The following CSMD1 variants were observed in gnomAD, a reference collection of about 807,000 sequenced individuals.
CSMD1 encodes the protein CUB and Sushi multiple domains 1.
In CSMD1, 213 loss-of-function variants were observed where a neutral mutation model predicts 417.5. The ratio of observed to expected loss-of-function variants is 0.51; its 90% CI spans 0.46 to 0.57. The LOEUF is 0.57. CSMD1 is among the 20% of genes least tolerant of loss of function. The pLI is 0.00. For missense variants in CSMD1, 6,923 were observed against 4,529.7 expected, an observed-to-expected ratio of 1.53 and a Z score of -15.17; for synonymous variants, 2,862 against 1,736.8, an observed-to-expected ratio of 1.65 and a Z score of -16.11.
chr8:4,986,121 A>C (rs1314959501), intron 1 of CSMD1, among the ~76,000 whole-genome samples: 1 of 152,230 alleles, frequency 6.6e-6, no homozygotes, highest in African/African-American at 2.4e-5. Flanking sequence ...TTGTTGATGG[A>C]CTTTGAACAT....
intron 3 of CSMD1, among the ~76,000 whole-genome samples, chr8:4,287,821 T>G (rs1228178119): frequency 6.6e-6 from 1 of 152,042 alleles, no homozygotes; most frequent in Admixed American, 6.6e-5. Context: ...TGTGGCCCAC[T>G]GAATGCATTT....
chr8:4,932,248 T>G (rs1220715510), intron 1 of CSMD1, among the ~76,000 whole-genome samples: 1 of 52,748 alleles, frequency 1.9e-5, no homozygotes, highest in African/African-American at 8.4e-5. Context: ...AAATATAACT[T>G]CTCTGGTTTT....
intron 1 of CSMD1, among the ~76,000 whole-genome samples, chr8:4,828,903 C>T (rs1425238879): frequency 2.6e-5 from 4 of 152,094 alleles, no homozygotes; most frequent in African/African-American, 9.7e-5. Context: ...CGTCCCAGTA[C>T]TTAATGTGTT....
chr8:4,269,722 C>T (rs764528254), intron 3 of CSMD1, among the ~76,000 whole-genome samples: 4 of 152,082 alleles, frequency 2.6e-5, no homozygotes, highest in Admixed American at 6.6e-5. Context: ...CTGTTGAATT[C>T]TTAATATTTA....
intron 2 of CSMD1, among the ~76,000 whole-genome samples, chr8:4,519,027 A>G (rs1366222129): frequency 6.6e-6 from 1 of 151,576 alleles, no homozygotes; most frequent in African/African-American, 2.4e-5. Context: ...TTACCCAAAC[A>G]CTCCTTATGG....
chr8:3,652,974 A>C (rs1439269751), intron 7 of CSMD1, among the ~76,000 whole-genome samples: 1 of 152,186 alleles, frequency 6.6e-6, no homozygotes, highest in Non-Finnish European at 1.5e-5. Context: ...GCTTTCAAGT[A>C]TAATTAGCAT....
chr8:3,982,959 A>G (rs2130199234), intron 5 of CSMD1, among the ~76,000 whole-genome samples: 1 of 152,216 alleles, frequency 6.6e-6, no homozygotes, highest in South Asian at 2.1e-4. Context: ...AACAAAACAA[A>G]CAAACAAACA....
chr8:3,871,088 C>T (rs939828640), intron 5 of CSMD1, among the ~76,000 whole-genome samples: 2 of 151,936 alleles, frequency 1.3e-5, no homozygotes, highest in Admixed American at 1.3e-4. Flanking sequence ...CCTTATTTAA[C>T]AATTGTCCTA....
rs117063541 is a variant in CSMD1 at position 3,621,945 on chromosome 8, A to G, written c.1010-5148T>C. Among the ~76,000 whole-genome samples, 50 of 150,582 alleles carry G rather than the reference A, an allele frequency of 3.3e-4. 1 individual carries two copies. In the East Asian group the frequency reaches 6.5e-3, roughly 20 times the overall value. ...ATAATGGTTAAAACCAGCAAGCCTG[A>G]TGTTACTTCTGTCTTATGTCTCTCT... On this transcript the variant is annotated intron_variant, in intron 7 of 69. Transcript: ENST00000635120.
chr8:3,450,352 T>G (rs549651338), intron 12 of CSMD1, among the ~76,000 whole-genome samples: 18 of 152,098 alleles, frequency 1.2e-4, no homozygotes, highest in African/African-American at 4.1e-4. Flanking sequence ...GGGTACATGT[T>G]CACAACGTGC....
chr8:3,241,153 A>G (rs1467849491), intron 26 of CSMD1, among the ~76,000 whole-genome samples: 1 of 151,772 alleles, frequency 6.6e-6, no homozygotes, highest in African/African-American at 2.4e-5. Context: ...AGGAATAGTT[A>G]GGGAAGCAGA....
intron 27 of CSMD1, among the ~76,000 whole-genome samples, chr8:3,229,282 G>GTTAAATAC: frequency 6.6e-6 from 1 of 152,244 alleles, no homozygotes; most frequent in South Asian, 2.1e-4. Context: ...TAATTAAACT[G>GTTAAATAC]TGACAGTTAC....
At chr8:4,486,696 T>G (rs1801433709) in intron 2 of CSMD1, among the ~76,000 whole-genome samples, 1 of 151,778 alleles carries the variant, frequency 6.6e-6, no homozygotes, top group Admixed American at 6.6e-5. Flanking sequence ...TAAGCAAAAG[T>G]GAAATACAAA....
chr8:4,258,225 A>G (rs1803599300), intron 3 of CSMD1, among the ~76,000 whole-genome samples: 1 of 148,742 alleles, frequency 6.7e-6, no homozygotes. Context: ...GATTAAAGGC[A>G]TGAGCCAGCA....
chr8:4,079,767 A>T (rs764518420), intron 3 of CSMD1, among the ~76,000 whole-genome samples: 43 of 152,160 alleles, frequency 2.8e-4, no homozygotes, highest in Non-Finnish European at 1.2e-4. Flanking sequence ...TTATGCAATT[A>T]ATAACCCATG....
chr8:3,255,146 A>G lies in CSMD1; in HGVS notation c.4154-24915T>C, dbSNP rs142958775. ...TTTGCGGAGGTCCACTCCAGAACCTATTTGCCTGGGTATCAGTAGCAGAGG... is the reference window on the plus strand; with the variant it reads ...TTTGCGGAGGTCCACTCCAGAACCTGTTTGCCTGGGTATCAGTAGCAGAGG... On this transcript the variant is annotated intron_variant, in intron 26 of 69. Coordinates refer to ENST00000635120, the MANE Select transcript of CSMD1 (RefSeq NM_033225.6). Among the ~76,000 whole-genome samples, 482 of 152,224 alleles carry G rather than the reference A, an allele frequency of 3.2e-3. 2 individuals are homozygous for G. Among genetic ancestry groups the G allele is most frequent in the Non-Finnish European group, 4.5e-3 (307 of 68,022 alleles).
At chr8:3,986,758 G>C (rs1382677668) in intron 5 of CSMD1, among the ~76,000 whole-genome samples, 2 of 127,586 alleles carry the variant, frequency 1.6e-5, no homozygotes, top group South Asian at 5.2e-4. Flanking sequence ...ATGTTTAAGT[G>C]ATTTTTCTTT....
At chr8:4,162,706 G>C (rs927336369) in intron 3 of CSMD1, among the ~76,000 whole-genome samples, 3 of 152,146 alleles carry the variant, frequency 2.0e-5, no homozygotes, top group Non-Finnish European at 4.4e-5. Flanking sequence ...TCCCACGCCA[G>C]AGTGGTGCAT....
chr8:3,837,874 C>G (rs1210322983), intron 5 of CSMD1, among the ~76,000 whole-genome samples: 2 of 152,110 alleles, frequency 1.3e-5, no homozygotes, highest in African/African-American at 2.4e-5. Flanking sequence ...CCTCACAGGA[C>G]TAGTTTTCAT....
Sources: allele counts gnomAD v4.1 joint callset (sites outside exome capture counted in the v4.1 genomes callset), GRCh38; gene constraint gnomAD v4.1.1; transcripts MANE v1.5; gene names NCBI Gene and HGNC (gene_info 2026-07-23, HGNC 2026-07-21).